The following CDH18 variants were observed in gnomAD, a reference collection of about 807,000 sequenced individuals.
CDH18 encodes cadherin-18.
A neutral mutation model predicts 67.9 loss-of-function variants in CDH18; 31 were observed. That is an observed-to-expected ratio of 0.46 (90% confidence interval 0.34 to 0.62). The LOEUF (loss-of-function observed/expected upper bound fraction) is 0.62. Ranked by LOEUF, CDH18 falls within the 20% of genes least tolerant of loss-of-function variation. The pLI is 0.01. For synonymous variants in CDH18, 362 were observed against 347.2 expected (o/e 1.04, Z -0.48); for missense variants, 890 against 975.5 (o/e 0.91, Z 1.17).
chr5:20,486,681 GTA>G (rs750113034), intron 1 of CDH18, among the ~76,000 whole-genome samples: 4 of 122,608 alleles, frequency 3.3e-5, no homozygotes, highest in African/African-American at 1.3e-4. Context: ...TGCTATTTTT[GTA>G]TATATATATA....
intron 1 of CDH18, among the ~76,000 whole-genome samples, chr5:20,565,886 A>G (rs756317149): frequency 2.0e-5 from 3 of 152,218 alleles, no homozygotes; most frequent in Non-Finnish European, 4.4e-5. Flanking sequence ...TTAAATATAG[A>G]TCTCTGGTAG....
intron 1 of CDH18, among the ~76,000 whole-genome samples, chr5:20,398,866 C>T (rs1745515433): frequency 6.8e-6 from 1 of 147,212 alleles, no homozygotes; most frequent in Non-Finnish European, 1.5e-5. Context: ...CCACGGCACA[C>T]GTATACCTAC....
chr5:20,269,782 C>T (rs904593908), intron 1 of CDH18, among the ~76,000 whole-genome samples: 1 of 151,974 alleles, frequency 6.6e-6, no homozygotes, highest in Non-Finnish European at 1.5e-5. Flanking sequence ...TGCACATTAT[C>T]CAGGTGACAG....
intron 2 of CDH18, among the ~76,000 whole-genome samples, chr5:20,253,182 C>T (rs868417689): frequency 2.6e-5 from 4 of 152,200 alleles, no homozygotes; most frequent in Admixed American, 6.5e-5. Context: ...TGTGAAACTA[C>T]GCACAAGAAT....
intron 1 of CDH18, among the ~76,000 whole-genome samples, chr5:20,259,558 TTTC>T (rs1450276184): frequency 2.6e-5 from 4 of 152,218 alleles, no homozygotes; most frequent in Admixed American, 2.6e-4. Context: ...TTATTTTCTC[TTTC>T]TTATGACTTT....
At chr5:20,319,267 C>T (rs1737768119) in intron 1 of CDH18, among the ~76,000 whole-genome samples, 2 of 152,188 alleles carry the variant, frequency 1.3e-5, no homozygotes, top group African/African-American at 4.8e-5. Context: ...TACCAACCTT[C>T]TACTATTTTA....
chr5:20,449,453 T>C (rs1463470270), intron 1 of CDH18, among the ~76,000 whole-genome samples: 1 of 152,032 alleles, frequency 6.6e-6, no homozygotes, highest in Non-Finnish European at 1.5e-5. Flanking sequence ...ATGTATAAAT[T>C]TAATAAAAAT....
At chr5:20,074,477 C>T (rs1246022353) in intron 2 of CDH18, among the ~76,000 whole-genome samples, 2 of 152,092 alleles carry the variant, frequency 1.3e-5, no homozygotes, top group Non-Finnish European at 2.9e-5. Flanking sequence ...TCTAAATACC[C>T]TTGTAAAGTC....
At position 20,275,088 on chromosome 5, in the gene CDH18, T is replaced by C. The variant is rs535264065; in HGVS notation, c.-579-19583A>G. ...AAGAAAAGAAAAGCTAAAGATTTTTTTTTTATTATTTTCACCACATTTCTG... is the reference window on the plus strand; with the variant it reads ...AAGAAAAGAAAAGCTAAAGATTTTTCTTTTATTATTTTCACCACATTTCTG... On this transcript the variant is annotated intron_variant, in intron 1 of 14. Coordinates refer to the CDH18 transcript ENST00000507958. Among the ~76,000 whole-genome samples the C allele has an allele frequency of 3.5e-4, 54 of 152,300 alleles. 1 individual carries two copies. Among genetic ancestry groups the C allele is most frequent in the African/African-American group, 1.2e-3 (51 of 41,562 alleles).
At chr5:20,336,838 T>G (rs1739816396) in intron 1 of CDH18, among the ~76,000 whole-genome samples, 1 of 151,062 alleles carries the variant, frequency 6.6e-6, no homozygotes, top group South Asian at 2.1e-4. Flanking sequence ...CTAAATGTCC[T>G]TAACTTGACC....
chr5:19,550,155 G>T (rs561007603), intron 8 of CDH18, among the ~76,000 whole-genome samples: 1 of 151,896 alleles, frequency 6.6e-6, no homozygotes, highest in African/African-American at 2.4e-5. Context: ...GAAAAAAAAA[G>T]AAAGAAAAAA....
chr5:20,555,093 G>C (rs149888547), intron 1 of CDH18, among the ~76,000 whole-genome samples: 12 of 152,234 alleles, frequency 7.9e-5, no homozygotes, highest in Admixed American at 6.5e-4. Context: ...AGGTAATTAA[G>C]TTTAAATAAA....
intron 12 of CDH18, 47 bp downstream of exon 12, chr5:19,483,254 T>C (rs1253122768): frequency 1.3e-6 from 2 of 1,555,602 alleles, no homozygotes; most frequent in Non-Finnish European, 8.7e-7. Context: ...TGATTCCCTC[T>C]CATTCAGAAT....
rs776404302 is a variant in CDH18, at chr5:19,543,856, T to C, written c.1390+13A>G. The C allele has an allele frequency of 3.2e-6, 5 of 1,561,228 alleles. No homozygotes were observed. Among genetic ancestry groups the C allele is most frequent in the Non-Finnish European group, 4.4e-6 (5 of 1,148,564 alleles). ...AAGTGACATCTTTTACTGTGATACATAAAGTAGTTTACCAATTTCTGAAGC... is the reference window on the plus strand; with the variant it reads ...AAGTGACATCTTTTACTGTGATACACAAAGTAGTTTACCAATTTCTGAAGC... On this transcript the variant is annotated intron_variant, in intron 9 of 12. Coordinates refer to ENST00000382275, the MANE Select transcript of CDH18 (RefSeq NM_004934.5).
At chr5:19,555,149 G>A (rs560206656) in intron 8 of CDH18, among the ~76,000 whole-genome samples, 1 of 152,314 alleles carries the variant, frequency 6.6e-6, no homozygotes, top group South Asian at 2.1e-4. Flanking sequence ...AAATGGCGGA[G>A]AGGAGGCAGG....
chr5:20,167,267 C>G (rs1037466678), intron 2 of CDH18, among the ~76,000 whole-genome samples: 5 of 152,060 alleles, frequency 3.3e-5, no homozygotes, highest in African/African-American at 9.7e-5. Context: ...TTTGTCCTCA[C>G]ATGGAAAGAA....
chr5:19,504,311 T>C (rs1353160889), intron 10 of CDH18, among the ~76,000 whole-genome samples: 1 of 152,036 alleles, frequency 6.6e-6, no homozygotes, highest in East Asian at 1.9e-4. Flanking sequence ...GCTCAAAAGA[T>C]ACATGTTTAG....
At chr5:19,800,544 T>C (rs889341972) in intron 3 of CDH18, among the ~76,000 whole-genome samples, 9 of 152,090 alleles carry the variant, frequency 5.9e-5, no homozygotes, top group African/African-American at 1.9e-4. Flanking sequence ...AACCTATTAG[T>C]TAATGAGGAC....
At chr5:20,209,287 A>G (rs1323351172) in intron 2 of CDH18, among the ~76,000 whole-genome samples, 1 of 152,144 alleles carries the variant, frequency 6.6e-6, no homozygotes, top group Non-Finnish European at 1.5e-5. Flanking sequence ...AATGTATTGA[A>G]AAAAGATGTG....
Sources: gnomAD v4.1 joint callset for allele counts (sites outside exome capture counted in the v4.1 genomes callset) on GRCh38, gnomAD v4.1.1 for gene constraint, MANE v1.5 for transcripts, NCBI Gene and HGNC (gene_info 2026-07-23, HGNC 2026-07-21) for gene names.